The following ST18 variants were observed in gnomAD, a reference collection of about 807,000 sequenced individuals.
ST18 encodes suppression of tumorigenicity 18 protein.
ST18 carries 50 observed loss-of-function variants against 110.0 expected under a neutral mutation model. The observed-to-expected ratio is 0.45, with a 90% CI of 0.36 to 0.58. ST18 has a LOEUF of 0.58. ST18 is among the 20% of genes least tolerant of loss of function. ST18 has a pLI of 0.00. For missense variants in ST18, 1,306 were observed against 1,280.1 expected (o/e 1.02, Z -0.31); for synonymous variants, 461 against 452.4 (o/e 1.02, Z -0.24).
At chr8:52,206,210 G>A (rs1013669974) in intron 8 of ST18, among the ~76,000 whole-genome samples, 2 of 152,214 alleles carry the variant, frequency 1.3e-5, no homozygotes, top group East Asian at 3.9e-4. Context: ...AACCTTATGG[G>A]CTTGCTGTAT....
intron 8 of ST18, among the ~76,000 whole-genome samples, chr8:52,198,323 C>T (rs2076854485): frequency 6.6e-6 from 1 of 152,182 alleles, no homozygotes; most frequent in African/African-American, 2.4e-5. Context: ...TTTATAACTA[C>T]TATCATACAT....
chr8:52,179,394 T>C (rs2068420571), intron 9 of ST18, among the ~76,000 whole-genome samples: 1 of 152,220 alleles, frequency 6.6e-6, no homozygotes, highest in African/African-American at 2.4e-5. Flanking sequence ...ATCAATTAAC[T>C]AAAATGTGCA....
chr8:52,121,905 G>A (rs1376841513), intron 23 of ST18, among the ~76,000 whole-genome samples: 1 of 152,194 alleles, frequency 6.6e-6, no homozygotes, highest in East Asian at 1.9e-4. Flanking sequence ...CAGTACAGGA[G>A]TGCAATCTCT....
chr8:52,376,950 C>CCCAA (rs1362749255), intron 2 of ST18, among the ~76,000 whole-genome samples: 4 of 152,144 alleles, frequency 2.6e-5, no homozygotes, highest in Admixed American at 6.5e-5. Context: ...AAACTCTGTT[C>CCCAA]CCAACTAATT....
At chr8:52,229,974 A>G (rs1322090288) in intron 3 of ST18, 58 bp downstream of exon 3, 18 of 152,576 alleles carry the variant, frequency 1.2e-4, no homozygotes. Flanking sequence ...GGATGTTGAA[A>G]AGTTGGAGAT....
chr8:52,118,427 C>T lies in ST18; in HGVS notation c.2770G>A (p.Glu924Lys), dbSNP rs774219568. 6.2e-7 allele frequency: 1 copy of T among 1,607,684 alleles called. No homozygotes were observed. The highest frequency in any genetic ancestry group is 8.5e-7 in the Non-Finnish European group (1 of 1,175,688). Reference protein sequence around the residue: ...LKATGGIESDEEIRHLDEEIK... With the variant: ...LKATGGIESDKEIRHLDEEIK... ...TCTTCATCCAAATGCCTAATTTCTT[C>T]ATCACTCTCTATTCCTGTAAAGAGT... Residue 924 changes from glutamate to lysine, a missense_variant, in exon 24 of 26, where the codon GAA (glutamate) becomes AAA (lysine). By Grantham distance (56) the Glu-to-Lys change is moderately conservative. Coordinates refer to ENST00000689386, the MANE Select transcript of ST18 (RefSeq NM_001352837.2).
At chr8:52,397,904 TTAG>T (rs1271182766) in intron 2 of ST18, among the ~76,000 whole-genome samples, 8 of 152,154 alleles carry the variant, frequency 5.3e-5, no homozygotes, top group Admixed American at 5.2e-4. Context: ...TTTGTTTTTC[TTAG>T]TATTGCTGTG....
intron 8 of ST18, among the ~76,000 whole-genome samples, chr8:52,203,965 T>A (rs1279706634): frequency 6.6e-6 from 1 of 152,168 alleles, no homozygotes; most frequent in Admixed American, 6.5e-5. Flanking sequence ...CAGAACACAA[T>A]TTAGGTGGTT....
At chr8:52,383,204 A>G (rs1262235423) in intron 2 of ST18, among the ~76,000 whole-genome samples, 2 of 152,214 alleles carry the variant, frequency 1.3e-5, no homozygotes, top group Non-Finnish European at 2.9e-5. Flanking sequence ...TTAGAAAGAT[A>G]AACAGGCAAG....
At chr8:52,207,258 A>G (rs1200361656) in intron 8 of ST18, among the ~76,000 whole-genome samples, 2 of 152,168 alleles carry the variant, frequency 1.3e-5, no homozygotes, top group East Asian at 3.8e-4. Context: ...GGCCAAGGCA[A>G]GAAGATTGCT....
intron 8 of ST18, among the ~76,000 whole-genome samples, chr8:52,208,540 C>G (rs556801726): frequency 1.1e-3 from 171 of 152,330 alleles, no homozygotes; most frequent in Non-Finnish European, 1.9e-3. Context: ...TAAGAAGCAA[C>G]TTGGGGCTGG....
chr8:52,137,156 C>T (rs1393945423), intron 18 of ST18, among the ~76,000 whole-genome samples: 1 of 152,216 alleles, frequency 6.6e-6, no homozygotes, highest in Non-Finnish European at 1.5e-5. Flanking sequence ...CCTCATTCCA[C>T]ATGAGTCCTC....
Position 52,178,364 on chromosome 8 carries a change from A to G in ST18, c.277+1758T>C, listed in dbSNP as rs770589140. Among the ~76,000 whole-genome samples the G allele has an allele frequency of 6.7e-4, 102 of 152,170 alleles. No homozygotes were observed. The Middle Eastern group carries it at 0.01, about 15-fold the overall frequency. ...AAAACGGAGCCAGGCATGGTGGCTC[A>G]CACCTGTAATCCCAGCACTTTGGGA... On this transcript the variant is annotated intron_variant, in intron 9 of 25. Coordinates refer to ENST00000689386, the MANE Select transcript of ST18 (RefSeq NM_001352837.2).
intron 2 of ST18, among the ~76,000 whole-genome samples, chr8:52,398,960 G>T (rs546550135): frequency 6.6e-6 from 1 of 151,940 alleles, no homozygotes; most frequent in Admixed American, 6.5e-5. Context: ...CATAAAATGC[G>T]TTAGGAAGTA....
intron 2 of ST18, among the ~76,000 whole-genome samples, chr8:52,386,033 TGAAGAAG>T (rs1459227725): frequency 6.6e-6 from 1 of 152,152 alleles, no homozygotes; most frequent in Non-Finnish European, 1.5e-5. Flanking sequence ...GACTTGATTA[TGAAGAAG>T]GAAATCCAAA....
At position 52,249,300 on chromosome 8, in the gene ST18, G is replaced by C. The variant is rs966145291; in HGVS notation, c.-464-19223C>G. 2.0e-4 allele frequency: 30 copies of C among 152,214 alleles called. 1 individual carries two copies. The highest frequency in any genetic ancestry group is 1.9e-3 in the Admixed American group (29 of 15,250). 9.4% of individuals were successfully genotyped at this position (152,214 alleles called of 1,614,324 possible). ...TGGAGAAACGGACTTTCAGCCCCAC[G>C]GTTAGGCTAAGATCTGTTCTACTTT... On this transcript the variant is annotated intron_variant, in intron 2 of 25. Coordinates refer to ENST00000689386, the MANE Select transcript of ST18 (RefSeq NM_001352837.2).
At chr8:52,167,324 T>C (rs1473994852) in intron 10 of ST18, among the ~76,000 whole-genome samples, 1 of 152,016 alleles carries the variant, frequency 6.6e-6, no homozygotes, top group Non-Finnish European at 1.5e-5. Context: ...AAAGAAAAAA[T>C]AGTGAGACAG....
At chr8:52,137,303 A>C in intron 18 of ST18, 118 bp downstream of exon 18, 1 of 1,091,648 alleles carries the variant, frequency 9.2e-7, no homozygotes, top group South Asian at 1.7e-5. Context: ...AAAATAAACC[A>C]AAAACCCAAC....
At chr8:52,126,453 G>C (rs1446667985) in intron 22 of ST18, among the ~76,000 whole-genome samples, 1 of 152,174 alleles carries the variant, frequency 6.6e-6, no homozygotes, top group Non-Finnish European at 1.5e-5. Flanking sequence ...TTGTTTAGTA[G>C]TGGTTACTTT....
Sources: gnomAD v4.1 joint callset for allele counts (sites outside exome capture counted in the v4.1 genomes callset) on GRCh38, gnomAD v4.1.1 for gene constraint, MANE v1.5 for transcripts, NCBI Gene and HGNC (gene_info 2026-07-23, HGNC 2026-07-21) for gene names.